The following AGMO variants were observed in gnomAD, a reference collection of about 807,000 sequenced individuals.
AGMO encodes glyceryl-ether monooxygenase.
A neutral mutation model predicts 60.2 loss-of-function variants in AGMO; 75 were observed. The observed-to-expected ratio is 1.25, with a 90% CI of 1.03 to 1.51. AGMO has a LOEUF of 1.51. AGMO is among the 40% of genes most tolerant of loss of function. The pLI, the probability that AGMO is intolerant of heterozygous loss-of-function variation, is 0.00. For missense variants in AGMO, 763 were observed against 525.5 expected (o/e 1.45, Z -4.42); for synonymous variants, 261 against 177.1 (o/e 1.47, Z -3.76).
intron 5 of AGMO, chr7:15,396,740 G>A (rs1331949697): frequency 1.7e-4 from 26 of 151,668 alleles, no homozygotes; most frequent in African/African-American, 6.4e-4. Context: ...ACAGAGAGCT[G>A]ATTGGTCCAT....
At chr7:15,453,393 G>A (rs1781906399) in intron 3 of AGMO, among the ~76,000 whole-genome samples, 1 of 152,180 alleles carries the variant, frequency 6.6e-6, no homozygotes, top group South Asian at 2.1e-4. Flanking sequence ...ATAGATGACT[G>A]CCTCTTGCCT....
chr7:15,281,692 G>A (rs1018333711), intron 12 of AGMO, among the ~76,000 whole-genome samples: 2 of 152,140 alleles, frequency 1.3e-5, no homozygotes, highest in Non-Finnish European at 2.9e-5. Flanking sequence ...AATACCCATT[G>A]ATGGACACCT....
chr7:15,225,052 T>A (rs73277632), intron 12 of AGMO, among the ~76,000 whole-genome samples: 3,265 of 152,108 alleles, frequency 0.021, 114 homozygotes, highest in African/African-American at 0.075. Context: ...TTTGGTATAC[T>A]TCTTTCAGTC....
intron 12 of AGMO, among the ~76,000 whole-genome samples, chr7:15,257,862 G>A (rs754688837): frequency 1.6e-4 from 25 of 152,222 alleles, no homozygotes; most frequent in South Asian, 4.2e-4. Context: ...TTACCCACCC[G>A]TTTAATAGTT....
At chr7:15,273,907 G>T (rs1164957020) in intron 12 of AGMO, among the ~76,000 whole-genome samples, 1 of 152,112 alleles carries the variant, frequency 6.6e-6, no homozygotes, top group Non-Finnish European at 1.5e-5. Context: ...GTTCTATCAT[G>T]ATTTGGCTCT....
At chr7:15,455,081 TCACACACACACA>T (rs34074240) in intron 3 of AGMO, among the ~76,000 whole-genome samples, 195 of 146,220 alleles carry the variant, frequency 1.3e-3, no homozygotes, top group African/African-American at 4.5e-3. Flanking sequence ...TCTCTCTTTC[TCACACACACACA>T]CACACACACA....
intron 12 of AGMO, chr7:15,306,413 T>C (rs187588654): frequency 5.1e-6 from 2 of 393,390 alleles, no homozygotes; most frequent in East Asian, 8.5e-5. Context: ...TACAAAAAAA[T>C]AGTTTGGTAG....
chr7:15,512,472 C>T (rs942092957), intron 3 of AGMO, among the ~76,000 whole-genome samples: 1 of 152,054 alleles, frequency 6.6e-6, no homozygotes. Flanking sequence ...AGGCTGGTCT[C>T]GAACTCCTGA....
At chr7:15,254,120 T>G (rs1383055813) in intron 12 of AGMO, among the ~76,000 whole-genome samples, 1 of 152,168 alleles carries the variant, frequency 6.6e-6, no homozygotes, top group Non-Finnish European at 1.5e-5. Context: ...TTATTCTTTC[T>G]TTTTTCCATT....
At chr7:15,161,703 G>GTA in the AGMO span, among the ~76,000 whole-genome samples, 1 of 150,970 alleles carries the variant, frequency 6.6e-6, no homozygotes, top group Non-Finnish European at 1.5e-5. Flanking sequence ...ATGTGTGTGT[G>GTA]TATACATACA....
chr7:15,308,594 T>C (rs773605930), intron 12 of AGMO, among the ~76,000 whole-genome samples: 2 of 152,164 alleles, frequency 1.3e-5, no homozygotes, highest in Non-Finnish European at 2.9e-5. Flanking sequence ...AAAAACAAGA[T>C]TTATGCCTTT....
At chr7:15,150,158 A>G in the AGMO span, among the ~76,000 whole-genome samples, 1 of 151,936 alleles carries the variant, frequency 6.6e-6, no homozygotes, top group Non-Finnish European at 1.5e-5. Context: ...TTTATTTTGT[A>G]CCCTGAAGCT....
rs188171381 is a variant in AGMO, at chr7:15,505,735, T to A, written c.409+39037A>T. The stretch of plus-strand genomic sequence containing the variant: ...AGACATAATTTTAAAATATTTTGGA[T>A]AATTTCTGTTTCTTCATAATTTTTG... On this transcript the variant is annotated intron_variant, in intron 3 of 12. Transcript: ENST00000342526. Among the ~76,000 whole-genome samples, 36 of 152,176 alleles carry A rather than the reference T, an allele frequency of 2.4e-4. No homozygotes were observed. The South Asian group carries it at 2.5e-3, about 10-fold the overall frequency.
downstream of AGMO, among the ~76,000 whole-genome samples, chr7:15,198,658 T>C (rs1445263017): frequency 1.3e-5 from 2 of 152,060 alleles, no homozygotes; most frequent in East Asian, 3.9e-4. Flanking sequence ...ATTTGGTGGG[T>C]AGGGGGCCAG....
intron 10 of AGMO, among the ~76,000 whole-genome samples, chr7:15,376,999 C>T (rs1175480766): frequency 6.6e-6 from 1 of 152,062 alleles, no homozygotes; most frequent in East Asian, 1.9e-4. Context: ...AAGTATTTAT[C>T]TTCTCTAATA....
chr7:15,271,726 G>A (rs538777373), intron 12 of AGMO, among the ~76,000 whole-genome samples: 1 of 152,240 alleles, frequency 6.6e-6, no homozygotes, highest in Admixed American at 6.5e-5. Context: ...TGTGAAAGTG[G>A]ACACTTTTTT....
chr7:15,544,718 T>A, intron 3 of AGMO, 54 bp downstream of exon 3: 1 of 1,381,800 alleles, frequency 7.2e-7, no homozygotes, highest in Non-Finnish European at 9.6e-7. Context: ...ATATGTACTA[T>A]GTACCAAACA....
intron 12 of AGMO, among the ~76,000 whole-genome samples, chr7:15,315,509 T>A (rs1442930274): frequency 2.6e-5 from 4 of 151,920 alleles, no homozygotes. Context: ...AGCTAACTTT[T>A]GTATTTTTAG....
chr7:15,176,855 A>G, the AGMO span, among the ~76,000 whole-genome samples: 1 of 152,104 alleles, frequency 6.6e-6, no homozygotes, highest in East Asian at 1.9e-4. Flanking sequence ...TTCTGACAGA[A>G]TTTGCAGGAT....
Sources: gnomAD v4.1 joint callset for allele counts (sites outside exome capture counted in the v4.1 genomes callset) on GRCh38, gnomAD v4.1.1 for gene constraint, MANE v1.5 for transcripts, NCBI Gene and HGNC (gene_info 2026-07-23, HGNC 2026-07-21) for gene names.